The following NFATC2 variants were observed in gnomAD, a reference collection of about 807,000 sequenced individuals.
NFATC2 encodes nuclear factor of activated T cells 2, also known as nuclear factor of activated T-cells, cytoplasmic 2.
A neutral mutation model predicts 87.3 loss-of-function variants in NFATC2; 22 were observed. That is an observed-to-expected ratio of 0.25 (90% CI 0.18 to 0.36). The LOEUF (loss-of-function observed/expected upper bound fraction) is 0.36. NFATC2 is among the 10% of genes least tolerant of loss of function. NFATC2 has a pLI of 1.00. For synonymous variants in NFATC2, 565 were observed against 542.2 expected, an observed-to-expected ratio of 1.04 and a Z score of -0.58; for missense variants, 1,149 against 1,259.1, an observed-to-expected ratio of 0.91 and a Z score of 1.32.
At chr20:51,405,728 T>C (rs1227033089) in intron 9 of NFATC2, among the ~76,000 whole-genome samples, 2 of 152,150 alleles carry the variant, frequency 1.3e-5, no homozygotes. Flanking sequence ...CAGCACATAG[T>C]AGGTGCTCAG....
At chr20:51,401,738 A>C (rs1301550288) in intron 9 of NFATC2, among the ~76,000 whole-genome samples, 1 of 152,238 alleles carries the variant, frequency 6.6e-6, no homozygotes, top group African/African-American at 2.4e-5. Flanking sequence ...CCCCAGGCAT[A>C]AACTGGTGAG....
chr20:51,395,624 A>AAC (rs1986958551), intron 10 of NFATC2, among the ~76,000 whole-genome samples: 1 of 80,964 alleles, frequency 1.2e-5, no homozygotes. Flanking sequence ...TAAAAGACTG[A>AAC]TGGAGAATGA....
chr20:51,553,235 G>C (rs2076949113), intron 1 of NFATC2, among the ~76,000 whole-genome samples: 1 of 152,134 alleles, frequency 6.6e-6, no homozygotes, highest in Non-Finnish European at 1.5e-5. Flanking sequence ...CACCTGCCGG[G>C]AGCCTGTGAG....
At chr20:51,394,071 T>C (rs1986699990) in intron 10 of NFATC2, among the ~76,000 whole-genome samples, 1 of 152,172 alleles carries the variant, frequency 6.6e-6, no homozygotes, top group East Asian at 1.9e-4. Flanking sequence ...TTAGACCTTC[T>C]TGCTATTGGG....
intron 1 of NFATC2, among the ~76,000 whole-genome samples, chr20:51,555,395 C>A (rs2076969172): frequency 6.6e-6 from 1 of 152,006 alleles, no homozygotes; most frequent in South Asian, 2.1e-4. Context: ...AGATCGAGAC[C>A]ATCCTGGCTA....
intron 9 of NFATC2, among the ~76,000 whole-genome samples, chr20:51,400,846 C>T (rs1450038956): frequency 6.6e-6 from 1 of 152,180 alleles, no homozygotes; most frequent in Non-Finnish European, 1.5e-5. Context: ...GGAACAGCCT[C>T]CTAGCATTGG....
intron 3 of NFATC2, 36 bp downstream of exon 3, chr20:51,516,748 C>T (rs2146691777): frequency 6.4e-7 from 1 of 1,560,250 alleles, no homozygotes; most frequent in East Asian, 2.3e-5. Flanking sequence ...TAGTGACAAA[C>T]ACCACACACA....
At chr20:51,509,140 G>A (rs1448641009) in intron 3 of NFATC2, among the ~76,000 whole-genome samples, 1 of 151,994 alleles carries the variant, frequency 6.6e-6, no homozygotes, top group Non-Finnish European at 1.5e-5. Context: ...TTCCACGTGG[G>A]CACCTCCTTC....
intron 5 of NFATC2, among the ~76,000 whole-genome samples, chr20:51,455,734 G>GAATT (rs1986349486): frequency 6.2e-5 from 1 of 16,258 alleles, no homozygotes; most frequent in Non-Finnish European, 1.2e-4. Context: ...GTGGATGGGT[G>GAATT]GGTGGGTGGG....
At chr20:51,559,049 T>G (rs1193658325) in intron 1 of NFATC2, among the ~76,000 whole-genome samples, 1 of 152,164 alleles carries the variant, frequency 6.6e-6, no homozygotes, top group Non-Finnish European at 1.5e-5. Flanking sequence ...CTCTGGAGTC[T>G]GAGAAGAGAG....
At chr20:51,545,904 A>G (rs2076885871), upstream of NFATC2, among the ~76,000 whole-genome samples, 1 of 152,204 alleles carries the variant, frequency 6.6e-6, no homozygotes, top group Non-Finnish European at 1.5e-5. Context: ...GGATCCATTA[A>G]TCAATGGAAG....
Position 51,474,049 on chromosome 20 carries a change from G to A in NFATC2, c.1639C>T (p.Arg547Ter). The A allele has an allele frequency of 6.2e-7, 1 of 1,614,216 alleles. No homozygotes were observed. The highest frequency in any genetic ancestry group is 1.1e-5 in the South Asian group (1 of 91,088). The change falls in exon 5 of 11, where the codon CGA becomes TGA. Residue 547 changes from arginine to a stop codon, truncating the protein, a stop_gained. Transcript: ENST00000371564. LOFTEE classifies it high-confidence loss of function. ...RKNTRVRLVFRVHIPESSGRI... is the reference protein window; with the variant it reads ...RKNTRVRLVF ...CCACTGGACTCTGGGATGTGAACTC[G>A]GAAAACCAGTCTCACCCGCGTGTTC...
At chr20:51,549,179 G>T (rs957833255) in intron 1 of NFATC2, among the ~76,000 whole-genome samples, 2 of 151,826 alleles carry the variant, frequency 1.3e-5, no homozygotes, top group East Asian at 3.8e-4. Flanking sequence ...AAAACAAGGA[G>T]TGAGAGAAAA....
At chr20:51,445,295 C>T (rs1183379132) in intron 6 of NFATC2, among the ~76,000 whole-genome samples, 1 of 152,140 alleles carries the variant, frequency 6.6e-6, no homozygotes, top group African/African-American at 2.4e-5. Context: ...CTCATCTCCA[C>T]GCTGGGGCCT....
rs759308602 is a variant in NFATC2, at chr20:51,475,489, G to T, written c.1504C>A (p.Pro502Thr). The T allele has an allele frequency of 6.2e-7, 1 of 1,613,964 alleles. No homozygotes were observed. The highest frequency in any genetic ancestry group is 1.1e-5 in the South Asian group (1 of 91,068). The change falls in exon 4 of 11, where the codon CCC becomes ACC. Residue 502 changes from proline to threonine, a missense_variant. By Grantham distance (38) the Pro-to-Thr change is conservative (BLOSUM62 -1). Around this residue, in one of 3 missense-constraint regions of NFATC2, gnomAD observed 581 missense variants for 649.7 expected, o/e 0.89. Coordinates refer to ENST00000371564, the MANE Select transcript of NFATC2 (RefSeq NM_012340.5). ...IVGNTKVLEI[P>T]LEPKNNMRAT... The stretch of plus-strand genomic sequence containing the variant: ...CTCATGTTGTTTTTGGGCTCCAAGG[G>T]TATCTCCAGGACTTTGGTGTTGCCC...
chr20:51,436,065 G>A (rs185288257), intron 6 of NFATC2, among the ~76,000 whole-genome samples: 67 of 152,190 alleles, frequency 4.4e-4, no homozygotes, highest in African/African-American at 1.5e-3. Context: ...GGGTATACAC[G>A]GACATGAAGA....
At chr20:51,438,683 C>T (rs1161036791) in intron 6 of NFATC2, among the ~76,000 whole-genome samples, 1 of 152,132 alleles carries the variant, frequency 6.6e-6, no homozygotes, top group Admixed American at 6.5e-5. Context: ...GGTCAAGGGA[C>T]GCAACACGAA....
intron 3 of NFATC2, among the ~76,000 whole-genome samples, chr20:51,510,193 C>G (rs1322271975): frequency 1.3e-5 from 2 of 152,120 alleles, no homozygotes; most frequent in African/African-American, 4.8e-5. Flanking sequence ...AGCCCCAGCA[C>G]AAGGATGGAT....
intron 9 of NFATC2, among the ~76,000 whole-genome samples, chr20:51,401,547 C>T (rs1988046538): frequency 6.6e-6 from 1 of 152,012 alleles, no homozygotes; most frequent in Non-Finnish European, 1.5e-5. Flanking sequence ...GGTCAGTTGT[C>T]AGTAATATGG....
Sources: gnomAD v4.1 joint callset for allele counts (sites outside exome capture counted in the v4.1 genomes callset) on GRCh38, gnomAD v4.1.1 for gene constraint, gnomAD v4.1.1 regional missense constraint, MANE v1.5 for transcripts, NCBI Gene and HGNC (gene_info 2026-07-23, HGNC 2026-07-21) for gene names.